Variants in NLGN1 observed in about 807,000 individuals in gnomAD.
NLGN1 encodes neuroligin 1, also known as neuroligin-1.
A neutral mutation model predicts 65.5 loss-of-function variants in NLGN1; 12 were observed. The observed-to-expected ratio is 0.18, with a 90% CI of 0.12 to 0.30. The LOEUF (loss-of-function observed/expected upper bound fraction) is 0.30, where lower values mean the gene tolerates loss of function less well. Ranked by LOEUF, NLGN1 falls within the 10% of genes least tolerant of loss-of-function variation. The pLI, the probability that NLGN1 is intolerant of heterozygous loss-of-function variation, is 1.00. For synonymous variants in NLGN1, 350 were observed against 359.5 expected (o/e 0.97, Z 0.30); for missense variants, 750 against 1,007.1 (o/e 0.74, Z 3.46).
chr3:174,050,890 C>G (rs1734679864), intron 4 of NLGN1, among the ~76,000 whole-genome samples: 8 of 152,032 alleles, frequency 5.3e-5, no homozygotes, highest in Admixed American at 5.2e-4. Flanking sequence ...GTCTGTTTGT[C>G]TGGCCAGTTG....
At chr3:173,744,979 A>C (rs1395178423) in intron 3 of NLGN1, among the ~76,000 whole-genome samples, 2 of 152,056 alleles carry the variant, frequency 1.3e-5, no homozygotes, top group Non-Finnish European at 2.9e-5. Context: ...TAGACCGCCT[A>C]TCTTTCCTTG....
intron 3 of NLGN1, among the ~76,000 whole-genome samples, chr3:173,678,829 T>C (rs749662970): frequency 1.3e-5 from 2 of 152,050 alleles, no homozygotes; most frequent in Non-Finnish European, 2.9e-5. Flanking sequence ...TGAGAAACAT[T>C]GAGAGCTTCC....
chr3:173,416,601 C>G (rs1713846155), intron 1 of NLGN1, among the ~76,000 whole-genome samples: 1 of 152,136 alleles, frequency 6.6e-6, no homozygotes, highest in African/African-American at 2.4e-5. Context: ...TACATGTAAT[C>G]CTGAGGCTTT....
At chr3:173,695,342 T>G (rs1766052233) in intron 3 of NLGN1, among the ~76,000 whole-genome samples, 1 of 152,126 alleles carries the variant, frequency 6.6e-6, no homozygotes, top group African/African-American at 2.4e-5. Context: ...ATAGGTAGCT[T>G]GAAAATAAAA....
intron 4 of NLGN1, among the ~76,000 whole-genome samples, chr3:174,218,514 A>G (rs1738060925): frequency 1.3e-5 from 2 of 152,054 alleles, no homozygotes; most frequent in South Asian, 2.1e-4. Context: ...TGCTTTTTCA[A>G]TAAATAGCTC....
At chr3:173,473,622 C>G (rs1486083482) in intron 2 of NLGN1, among the ~76,000 whole-genome samples, 1 of 152,140 alleles carries the variant, frequency 6.6e-6, no homozygotes, top group African/African-American at 2.4e-5. Context: ...AAAACTCTTT[C>G]TTTTTTCACC....
At chr3:173,648,774 C>T (rs1560104549) in intron 3 of NLGN1, among the ~76,000 whole-genome samples, 1 of 151,954 alleles carries the variant, frequency 6.6e-6, no homozygotes, top group Non-Finnish European at 1.5e-5. Context: ...GGGATTTCAC[C>T]ACGTTGGTCA....
At chr3:174,065,805 T>C (rs1009201464) in intron 4 of NLGN1, among the ~76,000 whole-genome samples, 1 of 151,828 alleles carries the variant, frequency 6.6e-6, no homozygotes, top group African/African-American at 2.4e-5. Context: ...ACAGCCACCA[T>C]GTTGTAACCT....
chr3:173,684,430 C>A (rs1764400869), intron 3 of NLGN1, among the ~76,000 whole-genome samples: 1 of 152,142 alleles, frequency 6.6e-6, no homozygotes, highest in African/African-American at 2.4e-5. Context: ...GTGTGCATAT[C>A]TTTATGATAC....
chr3:173,420,569 T>G (rs1714843500), intron 1 of NLGN1, among the ~76,000 whole-genome samples: 1 of 152,194 alleles, frequency 6.6e-6, no homozygotes, highest in African/African-American at 2.4e-5. Flanking sequence ...GCAGCATGAT[T>G]TTATAATCCT....
chr3:173,583,544 G>C (rs75281141), intron 2 of NLGN1, among the ~76,000 whole-genome samples: 3,641 of 152,250 alleles, frequency 0.024, 99 homozygotes, highest in East Asian at 0.11. Context: ...GTCTTGGACT[G>C]CTTGCAGCTA....
chr3:173,684,327 G>C (rs564484058), intron 3 of NLGN1, among the ~76,000 whole-genome samples: 13 of 151,964 alleles, frequency 8.6e-5, no homozygotes, highest in Non-Finnish European at 1.6e-4. Context: ...AGACTGATTT[G>C]CCTCTACAGT....
At chr3:174,252,777 C>T (rs985177962) in intron 4 of NLGN1, among the ~76,000 whole-genome samples, 5 of 152,308 alleles carry the variant, frequency 3.3e-5, no homozygotes, top group Non-Finnish European at 5.9e-5. Flanking sequence ...CCCAGAGATT[C>T]TAAGCCCCTC....
At chr3:173,770,712 T>A (rs1175326988) in intron 3 of NLGN1, among the ~76,000 whole-genome samples, 2 of 152,168 alleles carry the variant, frequency 1.3e-5, no homozygotes, top group African/African-American at 4.8e-5. Context: ...TGTATCGACC[T>A]TTCAAAGTCT....
At chr3:173,398,931 A>G (rs1317171481) in intron 1 of NLGN1, among the ~76,000 whole-genome samples, 1 of 152,236 alleles carries the variant, frequency 6.6e-6, no homozygotes, top group Non-Finnish European at 1.5e-5. Flanking sequence ...AGATATTAAA[A>G]TGTCACTGAG....
At chr3:174,237,615 G>A (rs553604906) in intron 4 of NLGN1, among the ~76,000 whole-genome samples, 28 of 152,106 alleles carry the variant, frequency 1.8e-4, no homozygotes, top group African/African-American at 6.5e-4. Context: ...GGACTGCAGT[G>A]GCATGATCTC....
intron 4 of NLGN1, among the ~76,000 whole-genome samples, chr3:173,978,253 T>C (rs1717957292): frequency 6.6e-6 from 1 of 152,104 alleles, no homozygotes; most frequent in Non-Finnish European, 1.5e-5. Context: ...CCTTTGGCAT[T>C]GGCTCTGTCT....
At chr3:173,605,730 G>A (rs574424461) in intron 3 of NLGN1, 137 bp downstream of exon 3, 12 of 401,678 alleles carry the variant, frequency 3.0e-5, no homozygotes, top group African/African-American at 2.5e-4. Context: ...AGGCTGTCAA[G>A]GAATATAAAG....
At chr3:173,698,843 G>A (rs1231481010) in intron 3 of NLGN1, among the ~76,000 whole-genome samples, 1 of 109,248 alleles carries the variant, frequency 9.2e-6, no homozygotes, top group Non-Finnish European at 2.2e-5. Context: ...TTAGAAAACA[G>A]GAATTTTTTT....
Sources: gnomAD v4.1 joint callset for allele counts (sites outside exome capture counted in the v4.1 genomes callset) on GRCh38, gnomAD v4.1.1 for gene constraint, MANE v1.5 for transcripts, NCBI Gene and HGNC (gene_info 2026-07-23, HGNC 2026-07-21) for gene names.